The following DDX60L variants were observed in gnomAD, a reference collection of about 807,000 sequenced individuals.
The protein encoded by DDX60L is DExD/H-box 60 like.
In DDX60L, 191 loss-of-function variants were observed where a neutral mutation model predicts 211.6. The observed-to-expected ratio is 0.90, with a 90% CI of 0.80 to 1.02. The LOEUF (loss-of-function observed/expected upper bound fraction) is 1.02, where lower values mean the gene tolerates loss of function less well. Ranked by LOEUF, DDX60L falls within the 50% of genes least tolerant of loss-of-function variation. DDX60L has a pLI of 0.00. For missense variants in DDX60L, 2,007 were observed against 1,984.1 expected, an observed-to-expected ratio of 1.01 and a Z score of -0.22; for synonymous variants, 706 against 694.1, an observed-to-expected ratio of 1.02 and a Z score of -0.27.
At chr4:168,451,242 C>A (rs1755765329) in intron 8 of DDX60L, among the ~76,000 whole-genome samples, 2 of 152,160 alleles carry the variant, frequency 1.3e-5, no homozygotes, top group Admixed American at 6.5e-5. Flanking sequence ...GTATTCAGAA[C>A]CACTCATGGG....
intron 36 of DDX60L, among the ~76,000 whole-genome samples, chr4:168,363,329 G>T (rs1178900047): frequency 3.3e-5 from 5 of 152,174 alleles, no homozygotes; most frequent in Non-Finnish European, 7.4e-5. Flanking sequence ...AACTAAAAAT[G>T]AAAGAATGAT....
At position 168,358,121 on chromosome 4, in the gene DDX60L, A is replaced by G. The variant is rs1292272462; in HGVS notation, c.*26T>C. 1 of 1,594,386 alleles carries G rather than the reference A, an allele frequency of 6.3e-7. No individual in the cohort carries two copies. Among genetic ancestry groups the G allele is most frequent in the Non-Finnish European group, 8.6e-7 (1 of 1,166,932 alleles). ...CTTGCAAAGGGATAAATACCACATA[A>G]TCAGACTTGAAAGTTTTCCATGGTG... On this transcript the variant is annotated 3_prime_UTR_variant, in exon 38 of 38. Coordinates refer to ENST00000682922, the MANE Select transcript of DDX60L (RefSeq NM_001012967.3).
chr4:168,411,226 T>C (rs1369000910), intron 22 of DDX60L, among the ~76,000 whole-genome samples: 1 of 152,160 alleles, frequency 6.6e-6, no homozygotes, highest in Admixed American at 6.6e-5. Flanking sequence ...TGAACAACTA[T>C]GCACACAAAA....
At chr4:168,456,401 T>G (rs1561112519) in intron 6 of DDX60L, among the ~76,000 whole-genome samples, 1 of 152,162 alleles carries the variant, frequency 6.6e-6, no homozygotes, top group South Asian at 2.1e-4. Flanking sequence ...AAATTAAGAT[T>G]TAGTAAAACA....
intron 22 of DDX60L, among the ~76,000 whole-genome samples, chr4:168,409,175 A>G (rs900885627): frequency 6.6e-6 from 1 of 152,340 alleles, no homozygotes; most frequent in East Asian, 1.9e-4. Context: ...GTTACTTTAC[A>G]AAAGTAAAGT....
At chr4:168,415,882 T>C in intron 20 of DDX60L, 83 bp from the exon 21 acceptor site, 3 of 1,256,892 alleles carry the variant, frequency 2.4e-6, no homozygotes, top group Non-Finnish European at 2.1e-6. Context: ...AAAGAAAATT[T>C]CACAAGTTTA....
chr4:168,403,531 C>T (rs1445986218), intron 25 of DDX60L, among the ~76,000 whole-genome samples: 2 of 152,212 alleles, frequency 1.3e-5, no homozygotes, highest in African/African-American at 4.8e-5. Context: ...AAATACCACT[C>T]AAGGTCTTTT....
At chr4:168,368,687 G>A (rs1439901312) in intron 36 of DDX60L, among the ~76,000 whole-genome samples, 1 of 152,228 alleles carries the variant, frequency 6.6e-6, no homozygotes, top group East Asian at 1.9e-4. Context: ...AAGCAGCCAG[G>A]AGGGAGGCTG....
Position 168,453,866 on chromosome 4 carries a change from T to C in DDX60L, c.838-584A>G, listed in dbSNP as rs528846191. Reference sequence around the variant, plus strand: ...AGGAGATTGATTTGGGTTCAATATGTTCATTTTTTTAAATTAGAACCACCA... The same window carrying C: ...AGGAGATTGATTTGGGTTCAATATGCTCATTTTTTTAAATTAGAACCACCA... On this transcript the variant is annotated intron_variant, in intron 7 of 37. Transcript: ENST00000682922. 2.4e-3 allele frequency among the ~76,000 whole-genome samples: 371 copies of C among 152,308 alleles called. 1 individual carries two copies. The highest frequency in any genetic ancestry group is 4.1e-3 in the Non-Finnish European group (281 of 68,028).
At chr4:168,432,913 T>C in intron 11 of DDX60L, 97 bp downstream of exon 11, 1 of 691,258 alleles carries the variant, frequency 1.4e-6, no homozygotes, top group Non-Finnish European at 2.4e-6. Context: ...TACCATATCC[T>C]GATATGATAT....
intron 36 of DDX60L, among the ~76,000 whole-genome samples, chr4:168,361,763 G>GAAGGA (rs1404264034): frequency 2.6e-5 from 4 of 152,214 alleles, no homozygotes; most frequent in Non-Finnish European, 5.9e-5. Flanking sequence ...AGCCATCACA[G>GAAGGA]ATGCCAGCAG....
At chr4:168,369,861 C>T (rs866012142) in intron 36 of DDX60L, among the ~76,000 whole-genome samples, 16 of 152,116 alleles carry the variant, frequency 1.1e-4, no homozygotes, top group Middle Eastern at 3.4e-3. Context: ...TCAAAACCAC[C>T]ATCAAATACC....
At chr4:168,396,384 GTTC>G (rs1464815566) in intron 26 of DDX60L, among the ~76,000 whole-genome samples, 1 of 151,920 alleles carries the variant, frequency 6.6e-6, no homozygotes, top group Admixed American at 6.6e-5. Flanking sequence ...CAGATATCCA[GTTC>G]TTCTCAGGAA....
intron 28 of DDX60L, among the ~76,000 whole-genome samples, chr4:168,393,603 G>A (rs1745239238): frequency 6.6e-6 from 1 of 152,052 alleles, no homozygotes. Context: ...GCAAGCTTCT[G>A]AAACATACTA....
In DDX60L at chr4:168,422,496, A is replaced by C. The variant is rs370494547; in HGVS notation, c.2244+28T>G. On this transcript the variant is annotated intron_variant, in intron 16 of 37. Transcript: ENST00000682922. ...GAAAAGTTCTGAAGTCACACTGATT[A>C]GAAAAGTACAATGTTTGTTGTCATT... is the stretch of plus-strand genomic sequence containing the variant. The C allele has an allele frequency of 1.0e-4, 160 of 1,588,850 alleles. 1 individual carries two copies. The highest frequency in any genetic ancestry group is 1.3e-4 in the Non-Finnish European group (149 of 1,169,372).
chr4:168,432,953 C>A, intron 11 of DDX60L, 57 bp downstream of exon 11: 1 of 1,082,798 alleles, frequency 9.2e-7, no homozygotes, highest in Non-Finnish European at 1.4e-6. Context: ...GAGTCATTCA[C>A]TTCACTAGTA....
chr4:168,458,538 C>A (rs1756889566), intron 5 of DDX60L, among the ~76,000 whole-genome samples: 1 of 152,146 alleles, frequency 6.6e-6, no homozygotes. Context: ...TTATCCTCAG[C>A]AAACTAACGC....
At chr4:168,375,924 C>T (rs570870686) in intron 33 of DDX60L, among the ~76,000 whole-genome samples, 34 of 152,314 alleles carry the variant, frequency 2.2e-4, no homozygotes, top group Non-Finnish European at 3.4e-4. Flanking sequence ...GCCCCAAGCA[C>T]TTGTTATATG....
chr4:168,369,980 A>T (rs1466714814), intron 36 of DDX60L, among the ~76,000 whole-genome samples: 1 of 152,200 alleles, frequency 6.6e-6, no homozygotes, highest in Non-Finnish European at 1.5e-5. Flanking sequence ...TAGGATTATA[A>T]ATGAGTATAT....
Sources: allele counts gnomAD v4.1 joint callset (sites outside exome capture counted in the v4.1 genomes callset), GRCh38; gene constraint gnomAD v4.1.1; transcripts MANE v1.5; gene names NCBI Gene and HGNC (gene_info 2026-07-23, HGNC 2026-07-21).